Variants in SRSF11 observed in about 807,000 individuals in gnomAD.
The protein encoded by SRSF11 is serine and arginine rich splicing factor 11, also known as serine/arginine-rich splicing factor 11.
A neutral mutation model predicts 56.0 loss-of-function variants in SRSF11; 9 were observed. That is an observed-to-expected ratio of 0.16 (90% CI 0.10 to 0.28). SRSF11 has a LOEUF of 0.28. SRSF11 is among the 10% of genes least tolerant of loss of function. The pLI is 1.00. For synonymous variants in SRSF11, 222 were observed against 215.3 expected (o/e 1.03, Z -0.27); for missense variants, 421 against 600.7 (o/e 0.70, Z 3.13).
chr1:70,211,417 C>A (rs1008835845), intron 1 of SRSF11, among the ~76,000 whole-genome samples: 2 of 152,182 alleles, frequency 1.3e-5, no homozygotes, highest in Non-Finnish European at 1.5e-5. Context: ...TTAAAAATGG[C>A]AAATACTGTT....
intron 1 of SRSF11, among the ~76,000 whole-genome samples, chr1:70,210,422 G>T (rs1669460171): frequency 6.6e-6 from 1 of 152,154 alleles, no homozygotes; most frequent in Non-Finnish European, 1.5e-5. Flanking sequence ...CTTCCAAAGT[G>T]CTGGGATTGG....
chr1:70,208,040 G>C (rs1389237174), intron 1 of SRSF11, among the ~76,000 whole-genome samples: 3 of 151,492 alleles, frequency 2.0e-5, no homozygotes, highest in African/African-American at 7.3e-5. Flanking sequence ...CAAAGCACTG[G>C]GATTATAGGC....
chr1:70,228,698 C>G (rs1431782585), intron 2 of SRSF11, 143 bp downstream of exon 2: 2 of 1,332,264 alleles, frequency 1.5e-6, no homozygotes, highest in Non-Finnish European at 1.9e-6. Context: ...GTAATTTTTG[C>G]TTGCAGATTT....
At chr1:70,242,083 C>T (rs1020041397) in intron 7 of SRSF11, among the ~76,000 whole-genome samples, 1 of 151,226 alleles carries the variant, frequency 6.6e-6, no homozygotes, top group Non-Finnish European at 1.5e-5. Context: ...GCAGGAGAAT[C>T]GCTTGAACCC....
At chr1:70,217,104 C>T (rs943652506), upstream of SRSF11, among the ~76,000 whole-genome samples, 36 of 152,142 alleles carry the variant, frequency 2.4e-4, no homozygotes, top group African/African-American at 8.4e-4. Flanking sequence ...TTCATCACAA[C>T]ACATTAGTCC....
upstream of SRSF11, chr1:70,218,661 C>T (rs1670237381): frequency 6.6e-6 from 1 of 152,132 alleles, no homozygotes; most frequent in Admixed American, 6.6e-5. Flanking sequence ...TGTTATTTGT[C>T]CTTTTATCAT....
chr1:70,209,737 C>CTTTT (rs1558139140), intron 1 of SRSF11, among the ~76,000 whole-genome samples: 1 of 60,816 alleles, frequency 1.6e-5, no homozygotes, highest in African/African-American at 6.9e-5. Context: ...AAGCACCTCG[C>CTTTT]TTCTTTTTTT....
upstream of SRSF11, among the ~76,000 whole-genome samples, chr1:70,217,142 T>C (rs1053733528): frequency 6.6e-6 from 1 of 152,060 alleles, no homozygotes; most frequent in East Asian, 1.9e-4. Flanking sequence ...TTTTTGTGTT[T>C]TTTTTGTTGT....
intron 6 of SRSF11, among the ~76,000 whole-genome samples, chr1:70,238,195 T>A (rs562931076): frequency 1.1e-4 from 16 of 152,328 alleles, no homozygotes; most frequent in South Asian, 4.1e-4. Context: ...TTATATGTAT[T>A]ATGTTATTTA....
chr1:70,231,015 C>T (rs2100735528), intron 2 of SRSF11: 4 of 1,283,242 alleles, frequency 3.1e-6, no homozygotes, highest in Non-Finnish European at 3.0e-6. Flanking sequence ...TTTATATTAT[C>T]GGCACTTCTC....
intron 2 of SRSF11, chr1:70,231,186 A>T: frequency 1.6e-6 from 2 of 1,286,364 alleles, no homozygotes; most frequent in Non-Finnish European, 2.0e-6. Flanking sequence ...AGTTTCTCTT[A>T]AGTGCCCTGT....
intron 1 of SRSF11, among the ~76,000 whole-genome samples, chr1:70,226,588 G>A (rs1359241683): frequency 2.0e-5 from 3 of 152,162 alleles, no homozygotes; most frequent in African/African-American, 7.2e-5. Context: ...ATTGGTAGAG[G>A]TCAGTTTTAA....
In SRSF11 at chr1:70,246,865, C is replaced by T; in HGVS notation, c.980C>T (p.Pro327Leu). The change falls in exon 9 of 12, where the codon CCA becomes CTA. Residue 327 changes from proline (P) to leucine (L), a missense_variant. Pro to Leu is a moderately conservative substitution (Grantham distance 98, BLOSUM62 -3). Transcript: ENST00000370949. The stretch of plus-strand genomic sequence containing the variant: ...GAAAAGAAACGTTCTAAAACACCAC[C>T]AAAAAGTTACAGCACAGCCAGACGT... ...DKEKKRSKTP[P>L]KSYSTARRSR... 1 of 1,610,100 alleles carries T rather than the reference C, an allele frequency of 6.2e-7. No homozygotes were observed.
At chr1:70,236,289 A>G (rs1216454596) in intron 5 of SRSF11, among the ~76,000 whole-genome samples, 1 of 151,462 alleles carries the variant, frequency 6.6e-6, no homozygotes, top group African/African-American at 2.4e-5. Flanking sequence ...AATAACTACT[A>G]AATTTGTTGT....
chr1:70,239,289 A>T (rs1169342175), intron 6 of SRSF11, 150 bp from the exon 7 acceptor site: 1 of 557,728 alleles, frequency 1.8e-6, no homozygotes. Flanking sequence ...ATGAGGCCTC[A>T]CTATATTGCC....
intron 1 of SRSF11, among the ~76,000 whole-genome samples, chr1:70,207,402 C>A (rs1251534809): frequency 2.0e-5 from 3 of 152,130 alleles, no homozygotes; most frequent in African/African-American, 7.2e-5. Context: ...AAGAAACTTA[C>A]CCAACCTCAC....
At chr1:70,242,753 T>C (rs939050474) in intron 7 of SRSF11, among the ~76,000 whole-genome samples, 3 of 152,178 alleles carry the variant, frequency 2.0e-5, no homozygotes, top group African/African-American at 7.2e-5. Flanking sequence ...GGTAGTACAT[T>C]CCCCTTTGAA....
At chr1:70,223,951 T>A (rs1671197764) in intron 1 of SRSF11, among the ~76,000 whole-genome samples, 1 of 152,186 alleles carries the variant, frequency 6.6e-6, no homozygotes, top group Admixed American at 6.5e-5. Flanking sequence ...GGGTTCCACA[T>A]CCATGGATTC....
At chr1:70,214,239 A>G (rs1571576792) in intron 1 of SRSF11, among the ~76,000 whole-genome samples, 1 of 152,108 alleles carries the variant, frequency 6.6e-6, no homozygotes, top group East Asian at 1.9e-4. Context: ...GCTTTTTGTC[A>G]GTTAAGACTC....
Sources: allele counts gnomAD v4.1 joint callset (sites outside exome capture counted in the v4.1 genomes callset), GRCh38; gene constraint gnomAD v4.1.1; transcripts MANE v1.5; gene names NCBI Gene and HGNC (gene_info 2026-07-23, HGNC 2026-07-21).